Variants in NFE2L1 observed in about 807,000 individuals in gnomAD.
NFE2L1 encodes endoplasmic reticulum membrane sensor NFE2L1.
In NFE2L1, 18 loss-of-function variants were observed where a neutral mutation model predicts 61.6. The observed-to-expected ratio is 0.29, with a 90% CI of 0.20 to 0.43. NFE2L1 has a LOEUF of 0.43. NFE2L1 is among the 20% of genes least tolerant of loss of function. The probability of loss-of-function intolerance (pLI) is 1.00; values close to 1 mark genes in which losing one functional copy is unlikely to be tolerated. For synonymous variants in NFE2L1, 419 were observed against 402.7 expected (o/e 1.04, Z -0.48); for missense variants, 827 against 973.5 (o/e 0.85, Z 2.00).
chr17:48,055,029 T>C lies in NFE2L1; in HGVS notation c.511-1357T>C, dbSNP rs530760573. Reference sequence around the variant, plus strand: ...CTCATCTCGCAGACCATGACCCGCCTGGACCGCAGCTCTCACAGTGGTGGG... The same window carrying C: ...CTCATCTCGCAGACCATGACCCGCCCGGACCGCAGCTCTCACAGTGGTGGG... On this transcript the variant is annotated intron_variant, in intron 2 of 5. Coordinates refer to ENST00000362042, the MANE Select transcript of NFE2L1 (RefSeq NM_003204.3). 4.0e-6 allele frequency: 6 copies of C among 1,517,650 alleles called. No homozygotes were observed. The East Asian group carries it at 1.6e-4, about 40-fold the overall frequency. 94.0% of individuals were successfully genotyped at this position (1,517,650 alleles called of 1,614,324 possible).
In NFE2L1 at chr17:48,051,002, A is replaced by C; in HGVS notation, c.-117A>C. 8.0e-7 allele frequency: 1 copy of C among 1,247,104 alleles called. No homozygotes were observed. Among genetic ancestry groups the C allele is most frequent in the Non-Finnish European group, 1.1e-6 (1 of 879,196 alleles). The allele number at this position is 1,247,104 out of a possible 1,614,324, so 77.3% of individuals were successfully genotyped here. ...CCCTTGTGTTCTGCCAGGGTGGGGT[A>C]CGGGGTTTGACACTGAGGAGGGTAA... On this transcript the variant is annotated 5_prime_UTR_variant, in exon 2 of 6. Coordinates refer to ENST00000362042, the MANE Select transcript of NFE2L1 (RefSeq NM_003204.3).
chr17:48,054,847 G>T, intron 2 of NFE2L1: 1 of 1,182,018 alleles, frequency 8.5e-7, no homozygotes, highest in South Asian at 1.9e-5. Context: ...GGAGGAAGGG[G>T]GCTGGCTGGG....
intron 2 of NFE2L1, among the ~76,000 whole-genome samples, chr17:48,052,465 C>G (rs2037278622): frequency 1.3e-5 from 2 of 152,194 alleles, no homozygotes. Flanking sequence ...ACTGCACTCC[C>G]CTGGCCATTA....
chr17:48,055,117 C>A, intron 2 of NFE2L1: 2 of 1,429,722 alleles, frequency 1.4e-6, no homozygotes, highest in Non-Finnish European at 1.8e-6. Context: ...TGGCCCAGCC[C>A]GCCTCTGCTC....
In NFE2L1 at chr17:48,051,231, C is replaced by A. The variant is rs746385202; in HGVS notation, c.113C>A (p.Pro38Gln). 15 of 1,614,186 alleles carry A rather than the reference C, an allele frequency of 9.3e-6. 1 individual carries two copies. Among genetic ancestry groups the A allele is most frequent in the Middle Eastern group, 1.6e-4 (1 of 6,062 alleles). ...ACTTACCTGACCTCACAGCTTCCCC[C>A]ACTCCGGGAGATCATCCTGGGGCCC... ...VDTYLTSQLP[P>Q]LREIILGPSS... Residue 38 changes from proline (P) to glutamine (Q), a missense_variant, in exon 2 of 6, where the codon CCA becomes CAA. Around this residue, in one of 3 missense-constraint regions of NFE2L1, gnomAD observed 667 missense variants for 748.4 expected, o/e 0.89. Transcript: ENST00000362042.
chr17:48,058,116 C>T (rs2037447996), intron 5 of NFE2L1, among the ~76,000 whole-genome samples, 179 bp from the exon 6 acceptor site: 1 of 152,188 alleles, frequency 6.6e-6, no homozygotes, highest in African/African-American at 2.4e-5. Flanking sequence ...CATGGAAGAA[C>T]CCATCTCTGC....
At chr17:48,052,109 G>A (rs2144356347) in intron 2 of NFE2L1, among the ~76,000 whole-genome samples, 1 of 152,308 alleles carries the variant, frequency 6.6e-6, no homozygotes, top group Middle Eastern at 3.4e-3. Flanking sequence ...TCCTGGGCCT[G>A]AGCCAAAGGG....
In NFE2L1 at chr17:48,058,636, G is replaced by T. The variant is rs1240556177; in HGVS notation, c.1314G>T (p.Leu438Phe). The T allele has an allele frequency of 6.2e-7, 1 of 1,614,150 alleles. No homozygotes were observed. Among genetic ancestry groups the T allele is most frequent in the Non-Finnish European group, 8.5e-7 (1 of 1,180,010 alleles). ...DTAGPELPDPLGGLLDEAMLD... is the reference protein window; with the variant it reads ...DTAGPELPDPFGGLLDEAMLD... ...CAGGCCCAGAGCTGCCTGACCCTTT[G>T]GGGGGTCTGTTAGATGAAGCTATGT... is the stretch of plus-strand genomic sequence containing the variant. Residue 438 changes from leucine to phenylalanine, a missense_variant, in exon 6 of 6, where the codon TTG becomes TTT. Leu to Phe is a conservative substitution (Grantham distance 22). Transcript: ENST00000362042.
chr17:48,060,168 AAT>A lies in NFE2L1; in HGVS notation c.*528_*529del, dbSNP rs146376327. The A allele has an allele frequency of 1, 145,171 of 145,174 alleles. 72,584 individuals are homozygous for A. Among genetic ancestry groups the A allele is most frequent in the Middle Eastern group, 1 (292 of 292 alleles). 9.0% of individuals were successfully genotyped at this position (145,174 alleles called of 1,614,324 possible). A position where few individuals can be genotyped will look rare whatever the true frequency, so the allele number is the denominator to read the frequency against. ...CTAGATCACTGGTGTGATAAACCCC[AAT>A]TTTCACCCCGGGGGGGGTGGGGTAC... is the stretch of plus-strand genomic sequence containing the variant. On this transcript the variant is annotated 3_prime_UTR_variant, in exon 6 of 6. Transcript: ENST00000362042.
At chr17:48,053,971 G>A (rs1412665103) in intron 2 of NFE2L1, among the ~76,000 whole-genome samples, 1 of 152,128 alleles carries the variant, frequency 6.6e-6, no homozygotes, top group Non-Finnish European at 1.5e-5. Context: ...ATTGCTGCAC[G>A]TGGGCAAAAT....
At chr17:48,056,884 G>T in intron 3 of NFE2L1, 148 bp from the exon 4 acceptor site, 1 of 791,970 alleles carries the variant, frequency 1.3e-6, no homozygotes, top group Admixed American at 2.5e-5. Context: ...ACTCTCTTCT[G>T]TTGTTTCTGG....
intron 1 of NFE2L1, chr17:48,048,973 G>A (rs1404220874): frequency 6.6e-6 from 1 of 152,660 alleles, no homozygotes; most frequent in Admixed American, 6.5e-5. Flanking sequence ...GGAGGTTTTA[G>A]TAATAAATTG....
chr17:48,057,216 C>T (rs2144384989), intron 4 of NFE2L1, 95 bp downstream of exon 4: 1 of 1,588,796 alleles, frequency 6.3e-7, no homozygotes, highest in Non-Finnish European at 8.6e-7. Context: ...TTGGTTCTGG[C>T]CTTATTCTGG....
At chr17:48,049,158 G>GCGGT (rs1162006926) in intron 1 of NFE2L1, 1 of 152,258 alleles carries the variant, frequency 6.6e-6, no homozygotes. Context: ...GAGAGGAGAG[G>GCGGT]CGGTATGTCT....
chr17:48,055,031 G>A, intron 2 of NFE2L1: 1 of 1,517,234 alleles, frequency 6.6e-7, no homozygotes, highest in East Asian at 2.6e-5. Context: ...GACCCGCCTG[G>A]ACCGCAGCTC....
In NFE2L1 at chr17:48,058,861, T is replaced by C. The variant is rs780728100; in HGVS notation, c.1539T>C (p.Ser513=). The C allele has an allele frequency of 1.9e-6, 3 of 1,613,806 alleles. No homozygotes were observed. The South Asian group carries it at 3.3e-5, about 18-fold the overall frequency. ...SSSSSSSASS[S]ASSSFSEEGA... ...CCTCTTCTTCCTCTGCTTCTTCCTCTGCCTCTTCCTCCTTTTCTGAGGAAG... is the reference window on the plus strand; with the variant it reads ...CCTCTTCTTCCTCTGCTTCTTCCTCCGCCTCTTCCTCCTTTTCTGAGGAAG... Residue 513 remains serine (S), a synonymous_variant, in exon 6 of 6, where the codon TCT becomes TCC. Coordinates refer to ENST00000362042, the MANE Select transcript of NFE2L1 (RefSeq NM_003204.3).
intron 1 of NFE2L1, among the ~76,000 whole-genome samples, chr17:48,049,584 G>A (rs2037193493): frequency 1.3e-5 from 2 of 152,110 alleles, no homozygotes; most frequent in Admixed American, 6.5e-5. Context: ...GTTGAGATGG[G>A]GTTTCTCCAT....
intron 2 of NFE2L1, 133 bp from the exon 3 acceptor site, chr17:48,056,253 G>A: frequency 7.0e-6 from 6 of 857,900 alleles, no homozygotes; most frequent in East Asian, 2.4e-5. Context: ...AGGGGGTAAA[G>A]GCTGGCAGGT....
At position 48,050,933 on chromosome 17, in the gene NFE2L1, G is replaced by T. The variant is rs1043352674; in HGVS notation, c.-186G>T. On this transcript the variant is annotated 5_prime_UTR_variant, in exon 2 of 6. Transcript: ENST00000362042. ...GGTCTGGAGTGTGTCCTTGGCCTTG[G>T]CTCCACAGGGTGTGCTTTCCTCTGG... 1 of 663,652 alleles carries T rather than the reference G, an allele frequency of 1.5e-6. No homozygotes were observed. The allele number at this position is 663,652 out of a possible 1,614,324, so 41.1% of individuals were successfully genotyped here. A position where few individuals can be genotyped will look rare whatever the true frequency, so the allele number is the denominator to read the frequency against.
Sources: allele counts gnomAD v4.1 joint callset (sites outside exome capture counted in the v4.1 genomes callset), GRCh38; gene constraint gnomAD v4.1.1; regional missense constraint gnomAD v4.1.1; transcripts MANE v1.5; gene names NCBI Gene and HGNC (gene_info 2026-07-23, HGNC 2026-07-21).